FNDC1: variants seen among roughly 807,000 people sequenced by gnomAD.
FNDC1 encodes fibronectin type III domain containing 1, also known as fibronectin type III domain-containing protein 1.
FNDC1 carries 96 observed loss-of-function variants against 168.0 expected under a neutral mutation model. That is an observed-to-expected ratio of 0.57 (90% confidence interval 0.48 to 0.68). The LOEUF is 0.68. FNDC1 is among the 30% of genes least tolerant of loss of function. FNDC1 has a pLI of 0.00. For missense variants in FNDC1, 2,587 were observed against 2,482.1 expected (o/e 1.04, Z -0.90); for synonymous variants, 1,099 against 1,025.9 (o/e 1.07, Z -1.36).
intron 18 of FNDC1, among the ~76,000 whole-genome samples, chr6:159,260,020 T>C (rs294885): frequency 0.55 from 83,416 of 152,176 alleles, 25,958 homozygotes; most frequent in Middle Eastern, 0.69. Flanking sequence ...AATAATTCGC[T>C]TTTTAAAAAT....
chr6:159,233,629 G>A lies in FNDC1; in HGVS notation c.3117G>A (p.Gly1039=), dbSNP rs1338577890. ...SQPRLSLTQA[G]RPRPTSQGRS... ...CCAGGCTCTCACTGACCCAGGCCGG[G>A]CGGCCCCGCCCCACGTCGCAGGGCC... Residue 1039 remains glycine (G), a synonymous_variant, in exon 11 of 23, where the codon GGG becomes GGA. Coordinates refer to ENST00000297267, the MANE Select transcript of FNDC1 (RefSeq NM_032532.3). The surrounding 1 kb of genome is among the most constrained non-coding windows in gnomAD (Gnocchi z 4.6). The A allele has an allele frequency of 1.3e-6, 2 of 1,560,258 alleles. No individual in the cohort carries two copies. The highest frequency in any genetic ancestry group is 4.8e-5 in the East Asian group (2 of 41,672).
intron 1 of FNDC1, among the ~76,000 whole-genome samples, chr6:159,176,234 T>G (rs1365222239): frequency 6.6e-6 from 1 of 152,188 alleles, no homozygotes; most frequent in African/African-American, 2.4e-5. Flanking sequence ...GCCCCCCAGC[T>G]CTAACTTTGT....
chr6:159,181,895 T>C (rs1451924357), intron 1 of FNDC1, among the ~76,000 whole-genome samples: 1 of 152,218 alleles, frequency 6.6e-6, no homozygotes. Flanking sequence ...CTTGATGATA[T>C]GGAAAACCAT....
intron 2 of FNDC1, among the ~76,000 whole-genome samples, chr6:159,199,036 A>C (rs952597538): frequency 6.6e-5 from 10 of 152,196 alleles, no homozygotes; most frequent in Admixed American, 4.6e-4. Context: ...GTTTTGTTAT[A>C]ATAATGCTCC....
At chr6:159,202,667 T>C (rs1269953979) in intron 4 of FNDC1, among the ~76,000 whole-genome samples, 2 of 152,218 alleles carry the variant, frequency 1.3e-5, no homozygotes, top group Admixed American at 1.3e-4. Context: ...GAAGACCTCC[T>C]TTTGCAGGCT....
chr6:159,233,559 A>G lies in FNDC1; in HGVS notation c.3047A>G (p.His1016Arg). The G allele has an allele frequency of 6.3e-7, 1 of 1,591,576 alleles. No homozygotes were observed. Among genetic ancestry groups the G allele is most frequent in the Non-Finnish European group, 8.5e-7 (1 of 1,172,840 alleles). The change falls in exon 11 of 23, where the codon CAC (histidine) becomes CGC (arginine). Residue 1016 changes from histidine to arginine, a missense_variant. Physicochemically the swap from His to Arg is conservative, Grantham distance 29. Coordinates refer to ENST00000297267, the MANE Select transcript of FNDC1 (RefSeq NM_032532.3). This position sits in a 1 kb window ranked among gnomAD's most constrained non-coding sequence, Gnocchi z 4.6. ...CCTCCCGTCGCCACGTCCCAGCACC[A>G]CCCGGGACCCCAGAGCAGAGACGCG... ...PPPPVATSQH[H>R]PGPQSRDAGR... is the part of the protein sequence containing the mutation.
Position 159,225,602 on chromosome 6 carries a change from A to T in FNDC1, c.952A>T (p.Arg318Trp), listed in dbSNP as rs1235145191. ...ARWDYKQIANRRVLIENLIPD... is the reference protein window; with the variant it reads ...ARWDYKQIANWRVLIENLIPD... Reference sequence around the variant, plus strand: ...GTGGGATTATAAGCAGATCGCTAACAGGCGTGTGCTGATTGAGAACCTGAT... The same window carrying T: ...GTGGGATTATAAGCAGATCGCTAACTGGCGTGTGCTGATTGAGAACCTGAT... The change falls in exon 8 of 23, where the codon AGG becomes TGG. Residue 318 changes from arginine to tryptophan, a missense_variant. Arg to Trp is a moderately radical substitution (Grantham distance 101). Transcript: ENST00000297267. 3 of 1,613,828 alleles carry T rather than the reference A, an allele frequency of 1.9e-6. No individual in the cohort carries two copies. Among genetic ancestry groups the T allele is most frequent in the Non-Finnish European group, 2.5e-6 (3 of 1,179,878 alleles).
At chr6:159,251,222 ACT>A (rs1777252351) in intron 16 of FNDC1, 78 bp from the exon 17 acceptor site, 11 of 1,066,468 alleles carry the variant, frequency 1.0e-5, no homozygotes, top group Non-Finnish European at 1.5e-5. Flanking sequence ...GGTGGGTCTG[ACT>A]CTGTGGAACA....
chr6:159,188,399 G>A (rs1210979566), intron 1 of FNDC1, among the ~76,000 whole-genome samples: 1 of 136,410 alleles, frequency 7.3e-6, no homozygotes, highest in Non-Finnish European at 1.5e-5. Context: ...TTTTGAGACA[G>A]AGTCTTGCTC....
At position 159,223,295 on chromosome 6, in the gene FNDC1, C is replaced by T. The variant is rs139546837; in HGVS notation, c.767-233C>T. Among the ~76,000 whole-genome samples the T allele has an allele frequency of 2.8e-4, 42 of 152,268 alleles. No individual in the cohort carries two copies. In the Middle Eastern group the frequency reaches 0.014, roughly 49 times the overall value. ...ACAGGCGTGAACCACCACACCTGGC[C>T]GAAATGCTCATTTCTTAGCCTGTAT... On this transcript the variant is annotated intron_variant, in intron 6 of 22. Coordinates refer to ENST00000297267, the MANE Select transcript of FNDC1 (RefSeq NM_032532.3).
At position 159,234,049 on chromosome 6, in the gene FNDC1, C is replaced by CGAG. The variant is rs1783184468; in HGVS notation, c.3539_3540insGGA (p.Asp1179_Asp1180insGlu). 1.1e-6 allele frequency: 1 copy of CGAG among 935,776 alleles called. No homozygotes were observed. Among genetic ancestry groups the CGAG allele is most frequent in the Non-Finnish European group, 1.6e-6 (1 of 619,822 alleles). The allele number at this position is 935,776 out of a possible 1,614,324, so 58.0% of individuals were successfully genotyped here. The stretch of plus-strand genomic sequence containing the variant: ...CCCAGCAGTCGGTCTCAGCCGAGGA[C>CGAG]GACGAGGAGGAGGACGCGGGATTTT... On this transcript the variant is annotated inframe_insertion, in exon 11 of 23. Coordinates refer to ENST00000297267, the MANE Select transcript of FNDC1 (RefSeq NM_032532.3).
chr6:159,211,818 C>T (rs1349874537), intron 4 of FNDC1, among the ~76,000 whole-genome samples: 1 of 152,196 alleles, frequency 6.6e-6, no homozygotes, highest in Non-Finnish European at 1.5e-5. Flanking sequence ...AACTGAAATT[C>T]AGAGAGGTCT....
chr6:159,182,926 T>C (rs294879), intron 1 of FNDC1, among the ~76,000 whole-genome samples: 62,316 of 152,086 alleles, frequency 0.41, 13,518 homozygotes, highest in Middle Eastern at 0.5. Context: ...AAGTATGTTT[T>C]CCAAGATGGA....
At chr6:159,235,736 A>T (rs1300254186) in intron 11 of FNDC1, among the ~76,000 whole-genome samples, 1 of 152,220 alleles carries the variant, frequency 6.6e-6, no homozygotes, top group Non-Finnish European at 1.5e-5. Flanking sequence ...GCAAGCTTTG[A>T]GACAGCATTG....
At chr6:159,180,557 C>T (rs1278799792) in intron 1 of FNDC1, among the ~76,000 whole-genome samples, 2 of 151,934 alleles carry the variant, frequency 1.3e-5, no homozygotes, top group Admixed American at 1.3e-4. Flanking sequence ...TGGTGGTTTG[C>T]AGCACCTGTC....
Position 159,266,264 on chromosome 6 carries a change from T to C in FNDC1, c.5446+19T>C, listed in dbSNP as rs200994027. ...CTGAAAGGTAAGTCTTTGTGCATGG[T>C]TGGCTATGGGAGGTATGGAACATTT... is the stretch of plus-strand genomic sequence containing the variant. On this transcript the variant is annotated intron_variant, in intron 21 of 22. Transcript: ENST00000297267. The C allele has an allele frequency of 3.1e-4, 495 of 1,613,552 alleles. 6 individuals are homozygous for C. In the South Asian group the frequency reaches 5.1e-3, roughly 17 times the overall value.
intron 1 of FNDC1, 81 bp from the exon 2 acceptor site, chr6:159,197,350 T>C: frequency 7.6e-7 from 1 of 1,308,118 alleles, no homozygotes; most frequent in Non-Finnish European, 1.1e-6. Flanking sequence ...ACTGTTTTCC[T>C]AACAATATCA....
chr6:159,266,966 C>T (rs1009059262), intron 21 of FNDC1, among the ~76,000 whole-genome samples: 1 of 151,888 alleles, frequency 6.6e-6, no homozygotes, highest in African/African-American at 2.4e-5. Context: ...ACTGACCCAC[C>T]GACACAGCAA....
intron 16 of FNDC1, 78 bp from the exon 17 acceptor site, chr6:159,251,224 T>C (rs1312603340): frequency 9.2e-7 from 1 of 1,092,592 alleles, no homozygotes; most frequent in African/African-American, 1.6e-5. Context: ...TGGGTCTGAC[T>C]CTGTGGAACA....
Sources: gnomAD v4.1 joint callset for allele counts (sites outside exome capture counted in the v4.1 genomes callset) on GRCh38, gnomAD v4.1.1 for gene constraint, Gnocchi (gnomAD v3.1) non-coding constraint, MANE v1.5 for transcripts, NCBI Gene and HGNC (gene_info 2026-07-23, HGNC 2026-07-21) for gene names.